Variants in MUC6 observed in about 807,000 individuals in gnomAD.
MUC6 encodes mucin-6.
In MUC6, 188 loss-of-function variants were observed where a neutral mutation model predicts 201.5. The ratio of observed to expected loss-of-function variants is 0.93; its 90% confidence interval spans 0.83 to 1.05. MUC6 has a LOEUF of 1.05. Ranked by LOEUF, MUC6 falls within the 50% of genes least tolerant of loss-of-function variation. The pLI is 0.00. For missense variants in MUC6, 2,706 were observed against 3,256.9 expected (o/e 0.83, Z 4.12); for synonymous variants, 1,228 against 1,389.4 (o/e 0.88, Z 2.58).
intron 1 of MUC6, among the ~76,000 whole-genome samples, chr11:1,036,307 C>T (rs1038939428): frequency 5.9e-5 from 9 of 152,260 alleles, no homozygotes; most frequent in East Asian, 1.9e-4. Context: ...GCGGGAGTGC[C>T]GGACCCCACT....
chr11:1,035,762 G>T (rs879825214), intron 1 of MUC6, among the ~76,000 whole-genome samples: 5 of 152,168 alleles, frequency 3.3e-5, no homozygotes, highest in Non-Finnish European at 7.4e-5. Flanking sequence ...TGTCACGCCA[G>T]CGTCCACCCC....
In MUC6 at chr11:1,023,667, G is replaced by A. The variant is rs1177541875; in HGVS notation, c.3383-15C>T. 1.2e-6 allele frequency: 2 copies of A among 1,611,220 alleles called. No individual in the cohort carries two copies. Among genetic ancestry groups the A allele is most frequent in the African/African-American group, 2.7e-5 (2 of 74,940 alleles). ...GCAGTAGATGGCTGGGAGGAAGGGA[G>A]CTGTCAGCTGGTGGGGTTCCTGGCC... is the stretch of plus-strand genomic sequence containing the variant. On this transcript the variant is annotated splice_polypyrimidine_tract_variant and intron_variant, in intron 25 of 32. Transcript: ENST00000421673.
intron 1 of MUC6, among the ~76,000 whole-genome samples, chr11:1,035,054 C>T (rs570252610): frequency 2.6e-5 from 4 of 152,350 alleles, no homozygotes; most frequent in East Asian, 1.9e-4. Context: ...GAGCACGAGG[C>T]GGCAGGTGCG....
intron 8 of MUC6, 62 bp downstream of exon 8, chr11:1,030,151 C>T (rs2133834216): frequency 6.7e-7 from 1 of 1,497,494 alleles, no homozygotes; most frequent in Non-Finnish European, 8.9e-7. Flanking sequence ...GTCTGACGTC[C>T]CCTTGTCTCT....
Position 1,015,909 on chromosome 11 carries a change from A to G in MUC6, c.6892T>C (p.Ser2298Pro). 1 of 1,606,252 alleles carries G rather than the reference A, an allele frequency of 6.2e-7. No individual in the cohort carries two copies. The highest frequency in any genetic ancestry group is 8.5e-7 in the Non-Finnish European group (1 of 1,175,576). The stretch of plus-strand genomic sequence containing the variant: ...CTGGTGGTAAGGTTGGTGACTGGAG[A>G]GGTGGGGATACCCGTCACCCCCGAG... Reference protein sequence around the residue: ...LTSGVTGIPTSPVTNLTTRHP... With the variant: ...LTSGVTGIPTPPVTNLTTRHP... Residue 2298 changes from serine to proline, a missense_variant, in exon 31 of 33, where the codon TCT becomes CCT. By Grantham distance (74) the Ser-to-Pro change is moderately conservative. Coordinates refer to ENST00000421673, the MANE Select transcript of MUC6 (RefSeq NM_005961.3).
At position 1,027,741 on chromosome 11, in the gene MUC6, G is replaced by T. The variant is rs752242865; in HGVS notation, c.1925C>A (p.Ala642Asp). The T allele has an allele frequency of 2.5e-6, 4 of 1,609,274 alleles. No individual in the cohort carries two copies. The highest frequency in any genetic ancestry group is 2.5e-6 in the Non-Finnish European group (3 of 1,178,438). ...ICAALGDYVHACSLRGVLLWG... is the reference protein window; with the variant it reads ...ICAALGDYVHDCSLRGVLLWG... Reference sequence around the variant, plus strand: ...GAGCAGGACGCCCCGCAAGGAGCAGGCGTGTACGTAGTCGCCCAGGGCGGC... The same window carrying T: ...GAGCAGGACGCCCCGCAAGGAGCAGTCGTGTACGTAGTCGCCCAGGGCGGC... The change falls in exon 16 of 33, where the codon GCC (alanine) becomes GAC (aspartate). Residue 642 changes from alanine (A) to aspartate (D), a missense_variant. By Grantham distance (126) the Ala-to-Asp change is moderately radical (BLOSUM62 -2). Transcript: ENST00000421673.
In MUC6 at chr11:1,033,328, G is replaced by C. The variant is rs930292399; in HGVS notation, c.53-253C>G. ...TTGTCCACTCAGTCCCAGTTCAGCC[G>C]TCAGCCCCTCGGGGTTCGGCAGATG... is the stretch of plus-strand genomic sequence containing the variant. On this transcript the variant is annotated intron_variant, in intron 1 of 32. Transcript: ENST00000421673. This position sits in a 1 kb window ranked among gnomAD's most constrained non-coding sequence, Gnocchi z 5.6. 1.8e-6 allele frequency: 1 copy of C among 556,460 alleles called. No homozygotes were observed. The highest frequency in any genetic ancestry group is 1.9e-5 in the African/African-American group (1 of 53,170). 34.5% of individuals were successfully genotyped at this position (556,460 alleles called of 1,614,324 possible).
In MUC6 at chr11:1,030,286, G is replaced by C. The variant is rs1305575134; in HGVS notation, c.942C>G (p.Ala314=). 6.5e-6 allele frequency: 10 copies of C among 1,549,606 alleles called. No individual in the cohort carries two copies. The highest frequency in any genetic ancestry group is 8.7e-6 in the Non-Finnish European group (10 of 1,146,908). Reference sequence around the variant, plus strand: ...GCGGGTTGGAGCAGGTCTTCACGCAGGCCGAGCCGCACTCCTGGTACACCT... The same window carrying C: ...GCGGGTTGGAGCAGGTCTTCACGCACGCCGAGCCGCACTCCTGGTACACCT... ...ANQVYQECGS[A]CVKTCSNPQH... Residue 314 remains alanine (A), a synonymous_variant, in exon 8 of 33, where the codon GCC becomes GCG. Transcript: ENST00000421673.
intron 4 of MUC6, 105 bp from the exon 5 acceptor site, chr11:1,031,364 C>A: frequency 8.2e-7 from 1 of 1,225,344 alleles, no homozygotes; most frequent in Non-Finnish European, 1.1e-6. Flanking sequence ...CACCATCCCC[C>A]CACCTGCTCA....
chr11:1,032,159 A>C, intron 2 of MUC6, 106 bp from the exon 3 acceptor site: 1 of 1,443,956 alleles, frequency 6.9e-7, no homozygotes, highest in Non-Finnish European at 9.3e-7. Flanking sequence ...AGGGTTTTTG[A>C]GTTGGGGCCA....
In MUC6 at chr11:1,031,656, T is replaced by A. The variant is rs1857107636; in HGVS notation, c.434A>T (p.Gln145Leu). ...CACGACTTCCAGCTCCAGCTCCAGC[T>A]GCTTGGCCACCAGCCGCACGCTCTG... ...FGQSVRLVAK[Q>L]LELELEVVWG... is the part of the protein sequence containing the mutation. Residue 145 changes from glutamine to leucine, a missense_variant, in exon 4 of 33, where the codon CAG becomes CTG. Around this residue, in one of 10 missense-constraint regions of MUC6, gnomAD observed 1,850 missense variants for 1,958.3 expected, o/e 0.94. Transcript: ENST00000421673. 4 of 1,550,616 alleles carry A rather than the reference T, an allele frequency of 2.6e-6. No homozygotes were observed. Among genetic ancestry groups the A allele is most frequent in the South Asian group, 1.2e-5 (1 of 84,050 alleles).
chr11:1,031,774 C>T (rs144928463), intron 3 of MUC6, 39 bp downstream of exon 3: 322 of 1,553,274 alleles, frequency 2.1e-4, no homozygotes, highest in South Asian at 3.0e-4. Flanking sequence ...CTCAGTCCTC[C>T]GGCCCCCGAG....
chr11:1,018,636 T>G lies in MUC6; in HGVS notation c.4165A>C (p.Thr1389Pro). 6.2e-7 allele frequency: 1 copy of G among 1,613,092 alleles called. No homozygotes were observed. Among genetic ancestry groups the G allele is most frequent in the South Asian group, 1.1e-5 (1 of 91,020 alleles). Reference sequence around the variant, plus strand: ...TATTCAGTAGTCGTTCTTGTTTGAGTGGTCTCTGTGGCTGTGGGCCTCGTG... The same window carrying G: ...TATTCAGTAGTCGTTCTTGTTTGAGGGGTCTCTGTGGCTGTGGGCCTCGTG... ...QPTRPTATET[T>P]QTRTTTEYTT... Residue 1389 changes from threonine to proline, a missense_variant, in exon 31 of 33, where the codon ACT (threonine) becomes CCT (proline). Thr to Pro is a conservative substitution (Grantham distance 38, BLOSUM62 -1). This residue lies in a region of MUC6 where 1,850 missense variants were observed against 1,958.3 expected (regional missense o/e 0.94). Coordinates refer to ENST00000421673, the MANE Select transcript of MUC6 (RefSeq NM_005961.3).
In MUC6 at chr11:1,033,183, G is replaced by T. The variant is rs578116010; in HGVS notation, c.53-108C>A. The T allele has an allele frequency of 2.9e-5, 32 of 1,106,494 alleles. No individual in the cohort carries two copies. The highest frequency in any genetic ancestry group is 4.4e-5 in the Non-Finnish European group (32 of 732,278). The allele number at this position is 1,106,494 out of a possible 1,614,324, so 68.5% of individuals were successfully genotyped here. Reference sequence around the variant, plus strand: ...GCCCGTTTCCCTGCACACACTCGGCGTGCGAGAAGTGTCCATGGCCCGTGG... The same window carrying T: ...GCCCGTTTCCCTGCACACACTCGGCTTGCGAGAAGTGTCCATGGCCCGTGG... On this transcript the variant is annotated intron_variant, in intron 1 of 32. Coordinates refer to ENST00000421673, the MANE Select transcript of MUC6 (RefSeq NM_005961.3). This position sits in a 1 kb window ranked among gnomAD's most constrained non-coding sequence, Gnocchi z 5.6.
chr11:1,019,547 G>T, intron 29 of MUC6, 51 bp from the exon 30 acceptor site: 1 of 1,526,626 alleles, frequency 6.6e-7, no homozygotes, highest in Non-Finnish European at 9.1e-7. Flanking sequence ...CCTGCATTTC[G>T]AAGGCTTGTG....
chr11:1,032,995 T>C lies in MUC6; in HGVS notation c.115+18A>G. On this transcript the variant is annotated intron_variant, in intron 2 of 32. Coordinates refer to ENST00000421673, the MANE Select transcript of MUC6 (RefSeq NM_005961.3). ...TGGGTGGTCTGGGCGGCAGGATCAG[T>C]GGCCGCTGTGTTCTTACCTGTCTGT... 1 of 1,571,496 alleles carries C rather than the reference T, an allele frequency of 6.4e-7. No homozygotes were observed. Among genetic ancestry groups the C allele is most frequent in the Admixed American group, 1.7e-5 (1 of 57,652 alleles).
chr11:1,025,301 C>G lies in MUC6; in HGVS notation c.2866G>C (p.Gly956Arg). 1 of 1,612,666 alleles carries G rather than the reference C, an allele frequency of 6.2e-7. No individual in the cohort carries two copies. Among genetic ancestry groups the G allele is most frequent in the East Asian group, 2.2e-5 (1 of 44,884 alleles). ...VTGEEPHVQLGVTPGALSLVV... is the reference protein window; with the variant it reads ...VTGEEPHVQLRVTPGALSLVV... Reference sequence around the variant, plus strand: ...AGGCTCAGCGCACCCGGCGTCACCCCGAGCTGCACGTGGGGCTCCTCCCCG... The same window carrying G: ...AGGCTCAGCGCACCCGGCGTCACCCGGAGCTGCACGTGGGGCTCCTCCCCG... Residue 956 changes from glycine (G) to arginine (R), a missense_variant, in exon 23 of 33, where the codon GGG (glycine) becomes CGG (arginine). By Grantham distance (125) the Gly-to-Arg change is moderately radical. Coordinates refer to ENST00000421673, the MANE Select transcript of MUC6 (RefSeq NM_005961.3).
rs1250046149 is a variant in MUC6 at position 1,016,015 on chromosome 11, AG to A, written c.6785del (p.Pro2262LeufsTer31). On this transcript the variant is annotated frameshift_variant, in exon 31 of 33. Transcript: ENST00000421673. LOFTEE classifies it high-confidence loss of function. ...AGGTGGTGGACTGAGAGGAGAAGGC[AG>A]GGGCGGTGTGGGTGCTGGCCGTGGT... Reference protein sequence around the residue: ...PRTTASTHTAPAFSSQSTTSR... With the variant: ...PRTTASTHTAXAFSSQSTTSR... 3 of 1,606,978 alleles carry A rather than the reference AG, an allele frequency of 1.9e-6. No individual in the cohort carries two copies. Among genetic ancestry groups the A allele is most frequent in the Non-Finnish European group, 2.6e-6 (3 of 1,175,636 alleles).
At position 1,024,963 on chromosome 11, in the gene MUC6, G is replaced by T; in HGVS notation, c.3106C>A (p.Leu1036Met). ...ELVNSWKESPLCGDVSFVTDP... is the reference protein window; with the variant it reads ...ELVNSWKESPMCGDVSFVTDP... ...GTCACGAAGCTCACGTCCCCGCACA[G>T]CGGGCTCTCCTTCCACGAGTTCACC... The change falls in exon 24 of 33, where the codon CTG becomes ATG. Residue 1036 changes from leucine (L) to methionine (M), a missense_variant. Leu to Met is a conservative substitution (Grantham distance 15, BLOSUM62 2). Transcript: ENST00000421673. The T allele has an allele frequency of 6.2e-7, 1 of 1,613,130 alleles. No homozygotes were observed. Among genetic ancestry groups the T allele is most frequent in the Non-Finnish European group, 8.5e-7 (1 of 1,179,894 alleles).
Sources: gnomAD v4.1 joint callset for allele counts (sites outside exome capture counted in the v4.1 genomes callset) on GRCh38, gnomAD v4.1.1 for gene constraint, gnomAD v4.1.1 regional missense constraint, Gnocchi (gnomAD v3.1) non-coding constraint, MANE v1.5 for transcripts, NCBI Gene and HGNC (gene_info 2026-07-23, HGNC 2026-07-21) for gene names.